SP140: variants seen among roughly 807,000 people sequenced by gnomAD.
SP140 encodes the protein nuclear body protein SP140.
A neutral mutation model predicts 125.0 loss-of-function variants in SP140; 81 were observed. That is an observed-to-expected ratio of 0.65 (90% CI 0.54 to 0.78). The LOEUF is 0.78. Ranked by LOEUF, SP140 falls within the 30% of genes least tolerant of loss-of-function variation. SP140 has a pLI of 0.00. For missense variants in SP140, 858 were observed against 1,037.0 expected (o/e 0.83, Z 2.37); for synonymous variants, 312 against 354.0 (o/e 0.88, Z 1.33).
At chr2:230,244,885 G>T (rs1391252064) in intron 5 of SP140, 103 bp from the exon 6 acceptor site, 6 of 765,976 alleles carry the variant, frequency 7.8e-6, no homozygotes, top group Admixed American at 4.7e-5. Flanking sequence ...TGGAGCAATA[G>T]TGTTTTTTTG....
chr2:230,288,477 CTTTCTTTCTTT>C (rs2056704672), intron 18 of SP140, among the ~76,000 whole-genome samples: 1 of 108,812 alleles, frequency 9.2e-6, no homozygotes, highest in Non-Finnish European at 2.0e-5. Context: ...TTCTTTCTTT[CTTTCTTTCTTT>C]CTTTCTTTCT....
At chr2:230,197,176 C>G in the SP140 span, among the ~76,000 whole-genome samples, 2,552 of 152,002 alleles carry the variant, frequency 0.017, 51 homozygotes, top group African/African-American at 0.056. Context: ...AAAAGTGTTC[C>G]TATTTCTCCA....
At chr2:230,242,893 C>T (rs904720722) in intron 4 of SP140, among the ~76,000 whole-genome samples, 1 of 152,176 alleles carries the variant, frequency 6.6e-6, no homozygotes, top group Admixed American at 6.5e-5. Flanking sequence ...CTTTGCTCAT[C>T]TCCTCCCTCT....
chr2:230,207,307 G>C (rs1212281039), intron 1 of SP140, among the ~76,000 whole-genome samples: 1 of 152,144 alleles, frequency 6.6e-6, no homozygotes, highest in African/African-American at 2.4e-5. Context: ...TTGTGTATGG[G>C]AGACAGACGC....
chr2:230,218,321 A>G (rs1559186553), intron 3 of SP140, among the ~76,000 whole-genome samples: 1 of 152,162 alleles, frequency 6.6e-6, no homozygotes, highest in Admixed American at 6.5e-5. Context: ...TCATTCCCCA[A>G]TTTTTTTAAC....
At chr2:230,298,240 G>A (rs56317957) in intron 22 of SP140, among the ~76,000 whole-genome samples, 54,512 of 152,004 alleles carry the variant, frequency 0.36, 10,135 homozygotes, top group South Asian at 0.5. Flanking sequence ...AAATGAAATC[G>A]TGATTTGATT....
intron 26 of SP140, 149 bp downstream of exon 26, chr2:230,311,744 A>G (rs2149639806): frequency 1.8e-6 from 2 of 1,086,082 alleles, no homozygotes; most frequent in Non-Finnish European, 2.6e-6. Flanking sequence ...TTCAGAACTT[A>G]AGCTCTTCTT....
At chr2:230,249,763 A>G (rs2050070812) in intron 9 of SP140, among the ~76,000 whole-genome samples, 1 of 152,178 alleles carries the variant, frequency 6.6e-6, no homozygotes, top group African/African-American at 2.4e-5. Flanking sequence ...TTGTCCAAGG[A>G]AAGGGGCAGG....
intron 15 of SP140, among the ~76,000 whole-genome samples, chr2:230,281,651 G>T (rs1321143551): frequency 6.6e-6 from 1 of 151,988 alleles, no homozygotes; most frequent in African/African-American, 2.4e-5. Flanking sequence ...ATATAAATAA[G>T]GTTTTATAGC....
At position 230,248,978 on chromosome 2, in the gene SP140, A is replaced by G; in HGVS notation, c.976+10A>G. The G allele has an allele frequency of 6.3e-7, 1 of 1,599,858 alleles. No homozygotes were observed. Among genetic ancestry groups the G allele is most frequent in the Non-Finnish European group, 8.6e-7 (1 of 1,169,146 alleles). ...CCAGGTGAAGGAGAAGGTAATTATG[A>G]TTTAAGTTTTTAAATATTTGAGTAC... On this transcript the variant is annotated intron_variant, in intron 9 of 26. Coordinates refer to ENST00000392045, the MANE Select transcript of SP140 (RefSeq NM_007237.5).
chr2:230,264,961 C>T (rs779489968), intron 12 of SP140, among the ~76,000 whole-genome samples: 6 of 152,142 alleles, frequency 3.9e-5, no homozygotes, highest in Admixed American at 6.5e-5. Flanking sequence ...CAGGAGGTGG[C>T]ACTTTCCAGA....
chr2:230,221,500 A>G (rs1470740636), upstream of SP140, among the ~76,000 whole-genome samples: 1 of 152,140 alleles, frequency 6.6e-6, no homozygotes, highest in South Asian at 2.1e-4. Flanking sequence ...CCTAGTATGT[A>G]CAGAATAGCA....
chr2:230,290,403 G>T, intron 18 of SP140, 57 bp from the exon 19 acceptor site: 1 of 1,476,320 alleles, frequency 6.8e-7, no homozygotes, highest in Non-Finnish European at 9.5e-7. Flanking sequence ...TACCTCAGTA[G>T]GGAGGGGGGA....
At chr2:230,288,228 G>T in intron 18 of SP140, 1 of 378,694 alleles carries the variant, frequency 2.6e-6, no homozygotes. Context: ...TTTCAAGGCT[G>T]GAGATAGTTC....
chr2:230,212,807 A>G, intron 1 of SP140: 1 of 1,614,180 alleles, frequency 6.2e-7, no homozygotes, highest in Non-Finnish European at 8.5e-7. Context: ...GAGGCAGGAC[A>G]GGGTCAGATG....
intron 22 of SP140, among the ~76,000 whole-genome samples, chr2:230,309,600 C>T (rs142703686): frequency 3.0e-4 from 46 of 152,314 alleles, no homozygotes; most frequent in African/African-American, 1.1e-3. Context: ...CATTTCAAAA[C>T]CTGGTTTTAT....
At chr2:230,292,472 G>C (rs1464061867) in intron 19 of SP140, among the ~76,000 whole-genome samples, 174 bp from the exon 20 acceptor site, 1 of 152,226 alleles carries the variant, frequency 6.6e-6, no homozygotes, top group South Asian at 2.1e-4. Context: ...AATATCCTTA[G>C]AGGGGATTTT....
intron 3 of SP140, chr2:230,219,915 G>A (rs950253401): frequency 2.0e-6 from 2 of 985,496 alleles, no homozygotes; most frequent in African/African-American, 3.5e-5. Context: ...TCCAGGGGCT[G>A]GGACAGGGAT....
intron 22 of SP140, among the ~76,000 whole-genome samples, chr2:230,306,161 G>T (rs1309762480): frequency 6.6e-6 from 1 of 152,188 alleles, no homozygotes; most frequent in Non-Finnish European, 1.5e-5. Context: ...CCTGAGGCAG[G>T]GACCCTCACC....
Sources: gnomAD v4.1 joint callset for allele counts (sites outside exome capture counted in the v4.1 genomes callset) on GRCh38, gnomAD v4.1.1 for gene constraint, MANE v1.5 for transcripts, NCBI Gene and HGNC (gene_info 2026-07-23, HGNC 2026-07-21) for gene names.